Variants in MEGF6 observed in about 807,000 individuals in gnomAD.
MEGF6 encodes multiple epidermal growth factor-like domains protein 6.
In MEGF6, 184 loss-of-function variants were observed where a neutral mutation model predicts 207.1. The ratio of observed to expected loss-of-function variants is 0.89; its 90% confidence interval spans 0.79 to 1.00. The LOEUF (loss-of-function observed/expected upper bound fraction) is 1.00, where lower values mean the gene tolerates loss of function less well. Ranked by LOEUF, MEGF6 falls within the 50% of genes least tolerant of loss-of-function variation. The pLI is 0.00. For synonymous variants in MEGF6, 1,038 were observed against 910.0 expected (o/e 1.14, Z -2.53); for missense variants, 2,282 against 2,202.9 (o/e 1.04, Z -0.72).
At chr1:3,562,167 C>T (rs1324447433) in intron 4 of MEGF6, among the ~76,000 whole-genome samples, 1 of 152,178 alleles carries the variant, frequency 6.6e-6, no homozygotes, top group Non-Finnish European at 1.5e-5. Flanking sequence ...CTTTTTGTGT[C>T]TCTCTCTGTC....
At chr1:3,593,833 C>A (rs541298740) in intron 3 of MEGF6, among the ~76,000 whole-genome samples, 1 of 152,178 alleles carries the variant, frequency 6.6e-6, no homozygotes, top group African/African-American at 2.4e-5. Flanking sequence ...GCCAGCACCC[C>A]CCTCCCTGCT....
chr1:3,503,125 T>C (rs1041271592), intron 17 of MEGF6, among the ~76,000 whole-genome samples: 2 of 152,110 alleles, frequency 1.3e-5, no homozygotes, highest in African/African-American at 4.8e-5. Context: ...GCAGCAGACC[T>C]GACCCCGCTG....
chr1:3,611,661 G>T (rs1178675724), upstream of MEGF6, among the ~76,000 whole-genome samples: 2 of 88,326 alleles, frequency 2.3e-5, no homozygotes, highest in African/African-American at 8.6e-5. Context: ...CCCCGCCCCC[G>T]GCACGGCCCC....
At chr1:3,530,086 G>T (rs746651440) in intron 4 of MEGF6, among the ~76,000 whole-genome samples, 1 of 152,254 alleles carries the variant, frequency 6.6e-6, no homozygotes, top group African/African-American at 2.4e-5. Flanking sequence ...AGAGGCCTTG[G>T]ATGCTTCGCA....
intron 35 of MEGF6, among the ~76,000 whole-genome samples, chr1:3,492,248 G>C (rs1640404837): frequency 1.3e-5 from 2 of 152,168 alleles, no homozygotes; most frequent in Non-Finnish European, 2.9e-5. Flanking sequence ...CACGTGTATG[G>C]GGGGCAGGAG....
intron 4 of MEGF6, among the ~76,000 whole-genome samples, chr1:3,526,517 G>C (rs1271620693): frequency 6.6e-6 from 1 of 151,508 alleles, no homozygotes; most frequent in Non-Finnish European, 1.5e-5. Flanking sequence ...CCCTGCCTCA[G>C]CCTCCTTAGT....
chr1:3,597,014 C>A (rs1003902343), intron 2 of MEGF6, among the ~76,000 whole-genome samples: 1 of 152,180 alleles, frequency 6.6e-6, no homozygotes, highest in Admixed American at 6.5e-5. Flanking sequence ...CCGCTCCATG[C>A]CCCCTAAAGT....
At chr1:3,537,638 G>T (rs576595740) in intron 4 of MEGF6, among the ~76,000 whole-genome samples, 3 of 152,370 alleles carry the variant, frequency 2.0e-5, no homozygotes, top group Admixed American at 1.3e-4. Context: ...AGGCGGGTGT[G>T]GCCACATGAG....
At position 3,509,104 on chromosome 1, in the gene MEGF6, C is replaced by T. The variant is rs764576361; in HGVS notation, c.1499G>A (p.Arg500Gln). 1.9e-5 allele frequency: 30 copies of T among 1,598,912 alleles called. No homozygotes were observed. Among genetic ancestry groups the T allele is most frequent in the East Asian group, 1.1e-4 (5 of 43,882 alleles). Residue 500 changes from arginine (R) to glutamine (Q), a missense_variant, in exon 12 of 37, where the codon CGG (arginine) becomes CAG (glutamine). Arg to Gln is a conservative substitution (Grantham distance 43). Transcript: ENST00000356575. ...VGADEEEAELRGEHTLTEKFV... is the reference protein window; with the variant it reads ...VGADEEEAELQGEHTLTEKFV... ...CTTCTCTGTGAGCGTGTGTTCGCCC[C>T]GCAACTCTGCCTCTTCCTCATCGGC...
At chr1:3,555,184 G>C (rs907849418) in intron 4 of MEGF6, among the ~76,000 whole-genome samples, 1 of 38,570 alleles carries the variant, frequency 2.6e-5, no homozygotes, top group African/African-American at 1.1e-4. Context: ...CCCACCCAGG[G>C]CTATGGATCA....
intron 32 of MEGF6, 44 bp downstream of exon 32, chr1:3,494,327 G>A: frequency 6.6e-7 from 1 of 1,520,244 alleles, no homozygotes; most frequent in African/African-American, 1.4e-5. Flanking sequence ...AGTGGACAGT[G>A]GCTCAAAGGG....
At chr1:3,550,536 C>A (rs1286219366) in intron 4 of MEGF6, among the ~76,000 whole-genome samples, 13 of 152,238 alleles carry the variant, frequency 8.5e-5, no homozygotes. Flanking sequence ...GTGAATTTCA[C>A]CTTCATTTAA....
intron 4 of MEGF6, among the ~76,000 whole-genome samples, chr1:3,564,306 A>C (rs535629473): frequency 6.6e-6 from 1 of 151,978 alleles, no homozygotes; most frequent in African/African-American, 2.4e-5. Flanking sequence ...ATGCGAGGTG[A>C]ACAGATGTTA....
chr1:3,514,475 G>T, intron 7 of MEGF6, 75 bp downstream of exon 7: 1 of 1,487,218 alleles, frequency 6.7e-7, no homozygotes, highest in Non-Finnish European at 9.0e-7. Context: ...CCCAGAGTTA[G>T]ACACGGGTCC....
chr1:3,563,108 G>A lies in MEGF6; in HGVS notation c.481+16717C>T, dbSNP rs116443292. Reference sequence around the variant, plus strand: ...CCCTGGAGGCTGCCTGCTCTGTTGAGCAGCCCTGCCCCTGCCCCCTGTGTG... The same window carrying A: ...CCCTGGAGGCTGCCTGCTCTGTTGAACAGCCCTGCCCCTGCCCCCTGTGTG... On this transcript the variant is annotated intron_variant, in intron 4 of 36. Coordinates refer to ENST00000356575, the MANE Select transcript of MEGF6 (RefSeq NM_001409.4). Among the ~76,000 whole-genome samples the A allele has an allele frequency of 3.0e-3, 456 of 152,256 alleles. 1 individual carries two copies. The highest frequency in any genetic ancestry group is 0.011 in the African/African-American group (437 of 41,542).
chr1:3,490,463 G>C lies in MEGF6; in HGVS notation c.*65C>G. Reference sequence around the variant, plus strand: ...GGCCCGTGAAGTGTCCTTCTCAGTGGTCACCAAAGGCCAGGGTCCCCTCTG... The same window carrying C: ...GGCCCGTGAAGTGTCCTTCTCAGTGCTCACCAAAGGCCAGGGTCCCCTCTG... On this transcript the variant is annotated 3_prime_UTR_variant, in exon 37 of 37. Transcript: ENST00000356575. The C allele has an allele frequency of 6.4e-7, 1 of 1,567,726 alleles. No individual in the cohort carries two copies. Among genetic ancestry groups the C allele is most frequent in the East Asian group, 2.2e-5 (1 of 44,562 alleles).
At position 3,492,651 on chromosome 1, in the gene MEGF6, T is replaced by C. The variant is rs933932155; in HGVS notation, c.4504A>G (p.Thr1502Ala). ...AAGCCCAGCTCACCTTCCCGGCACG[T>C]GGGCCCCATGTAGCCATCCACACAG... ...CHCVDGYMGPTCREGGPLRLP... is the reference protein window; with the variant it reads ...CHCVDGYMGPACREGGPLRLP... Residue 1502 changes from threonine (T) to alanine (A), a missense_variant, in exon 35 of 37, where the codon ACG (threonine) becomes GCG (alanine). Transcript: ENST00000356575. 2.5e-6 allele frequency: 4 copies of C among 1,610,744 alleles called. No homozygotes were observed. The highest frequency in any genetic ancestry group is 1.3e-5 in the African/African-American group (1 of 74,890).
At chr1:3,562,226 C>T (rs1428079373) in intron 4 of MEGF6, among the ~76,000 whole-genome samples, 1 of 152,178 alleles carries the variant, frequency 6.6e-6, no homozygotes, top group Non-Finnish European at 1.5e-5. Flanking sequence ...TTTCCTCCAT[C>T]TCTATCTTTT....
chr1:3,508,909 C>T (rs886839338), intron 12 of MEGF6, among the ~76,000 whole-genome samples, 166 bp downstream of exon 12: 3 of 152,304 alleles, frequency 2.0e-5, no homozygotes, highest in South Asian at 2.1e-4. Context: ...GCACGAGCTG[C>T]GCAAACTGAG....
Sources: gnomAD v4.1 joint callset for allele counts (sites outside exome capture counted in the v4.1 genomes callset) on GRCh38, gnomAD v4.1.1 for gene constraint, MANE v1.5 for transcripts, NCBI Gene and HGNC (gene_info 2026-07-23, HGNC 2026-07-21) for gene names.